Variants in PIK3C3 observed in about 807,000 individuals in gnomAD.
PIK3C3 encodes phosphatidylinositol 3-kinase catalytic subunit type 3.
A neutral mutation model predicts 126.1 loss-of-function variants in PIK3C3; 95 were observed. That is an observed-to-expected ratio of 0.75 (90% CI 0.64 to 0.89). The LOEUF (loss-of-function observed/expected upper bound fraction) is 0.89, where lower values mean the gene tolerates loss of function less well. PIK3C3 is among the 40% of genes least tolerant of loss of function. PIK3C3 has a pLI of 0.00. For missense variants in PIK3C3, 829 were observed against 1,063.2 expected (o/e 0.78, Z 3.06); for synonymous variants, 374 against 360.0 (o/e 1.04, Z -0.44).
chr18:42,061,233 C>T (rs1196261350), intron 22 of PIK3C3, among the ~76,000 whole-genome samples: 1 of 152,134 alleles, frequency 6.6e-6, no homozygotes, highest in Non-Finnish European at 1.5e-5. Context: ...ATTTTGCACG[C>T]TTTCCCACCC....
At chr18:41,969,909 C>T (rs9965565) in intron 3 of PIK3C3, among the ~76,000 whole-genome samples, 525 of 152,226 alleles carry the variant, frequency 3.4e-3, no homozygotes, top group African/African-American at 0.012. Flanking sequence ...ACTATATAGT[C>T]TACTGTAATG....
chr18:42,028,322 C>T (rs1201837210), intron 14 of PIK3C3, among the ~76,000 whole-genome samples: 3 of 152,098 alleles, frequency 2.0e-5, no homozygotes, highest in Non-Finnish European at 4.4e-5. Context: ...GGTCATATTG[C>T]AGATTCTTTT....
At chr18:42,039,540 TC>T (rs1300912054) in intron 18 of PIK3C3, among the ~76,000 whole-genome samples, 1 of 152,218 alleles carries the variant, frequency 6.6e-6, no homozygotes, top group East Asian at 1.9e-4. Context: ...TTGCCACTCT[TC>T]CCCTGCATCC....
In PIK3C3 at chr18:42,040,744, A is replaced by G; in HGVS notation, c.2103+3A>G. The G allele has an allele frequency of 1.3e-6, 2 of 1,576,214 alleles. No individual in the cohort carries two copies. Among genetic ancestry groups the G allele is most frequent in the Non-Finnish European group, 1.7e-6 (2 of 1,147,124 alleles). ...TTGATACAGAGGGAAGCATTCAGGT[A>G]TGGTATCAATAAAGATTATGCAATT... On this transcript the variant is annotated splice_donor_region_variant and intron_variant, in intron 19 of 24. Coordinates refer to ENST00000262039, the MANE Select transcript of PIK3C3 (RefSeq NM_002647.4).
In PIK3C3 at chr18:42,043,825, T is replaced by C. The variant is rs1390048521; in HGVS notation, c.2188+8T>C. On this transcript the variant is annotated splice_region_variant and intron_variant, in intron 20 of 24. Transcript: ENST00000262039. ...CTTACGTTAAAAGCTGTGGTAAGTT[T>C]TTCAGGCTATTACTTTCCATTGATC... The C allele has an allele frequency of 6.3e-7, 1 of 1,589,416 alleles. No homozygotes were observed. Among genetic ancestry groups the C allele is most frequent in the East Asian group, 2.2e-5 (1 of 44,694 alleles).
At chr18:41,975,377 CT>C (rs369914631) in intron 4 of PIK3C3, among the ~76,000 whole-genome samples, 1 of 152,146 alleles carries the variant, frequency 6.6e-6, no homozygotes, top group East Asian at 1.9e-4. Context: ...TGCTCTGTCA[CT>C]TTAACTACAT....
At chr18:42,031,003 C>G (rs1438978331) in intron 15 of PIK3C3, among the ~76,000 whole-genome samples, 1 of 152,048 alleles carries the variant, frequency 6.6e-6, no homozygotes, top group African/African-American at 2.4e-5. Flanking sequence ...CCAGACCATC[C>G]CAAGTATAGT....
At chr18:42,062,936 G>C (rs765003693) in intron 22 of PIK3C3, among the ~76,000 whole-genome samples, 46 of 152,094 alleles carry the variant, frequency 3.0e-4, no homozygotes, top group Middle Eastern at 3.4e-3. Flanking sequence ...CATCAGCAAG[G>C]ATCATCTATT....
chr18:41,992,790 C>G (rs1981841233), intron 6 of PIK3C3, among the ~76,000 whole-genome samples: 1 of 151,954 alleles, frequency 6.6e-6, no homozygotes, highest in Admixed American at 6.6e-5. Context: ...TAATATTAAC[C>G]CTACACTTAA....
chr18:41,956,650 A>G (rs1293960287), intron 1 of PIK3C3, among the ~76,000 whole-genome samples: 4 of 137,312 alleles, frequency 2.9e-5, no homozygotes, highest in Non-Finnish European at 3.0e-5. Context: ...TGCATTGTTC[A>G]GGATCATTTC....
At chr18:42,056,148 A>T (rs979797106) in intron 21 of PIK3C3, among the ~76,000 whole-genome samples, 50 of 151,704 alleles carry the variant, frequency 3.3e-4, no homozygotes, top group African/African-American at 1.2e-3. Flanking sequence ...TATTAACTTT[A>T]AAAAAAACAT....
chr18:42,023,631 G>T (rs1286242817), intron 13 of PIK3C3, among the ~76,000 whole-genome samples: 1 of 152,166 alleles, frequency 6.6e-6, no homozygotes, highest in Non-Finnish European at 1.5e-5. Flanking sequence ...AGCTATTGAT[G>T]TGTGGACTCT....
At chr18:41,976,435 T>C (rs541485120) in intron 4 of PIK3C3, among the ~76,000 whole-genome samples, 1 of 152,290 alleles carries the variant, frequency 6.6e-6, no homozygotes, top group East Asian at 1.9e-4. Context: ...CTAATAATAG[T>C]AACTACATTT....
intron 24 of PIK3C3, among the ~76,000 whole-genome samples, chr18:42,071,991 T>C (rs1985793227): frequency 6.6e-6 from 1 of 152,186 alleles, no homozygotes; most frequent in Non-Finnish European, 1.5e-5. Context: ...TACAAATCTT[T>C]TCAAATAACA....
chr18:42,006,293 G>A (rs1167286676), intron 10 of PIK3C3, among the ~76,000 whole-genome samples: 2 of 145,300 alleles, frequency 1.4e-5, no homozygotes, highest in African/African-American at 4.9e-5. Flanking sequence ...CACCCTCCTG[G>A]CATGTGGGTG....
chr18:42,000,737 G>A (rs1168741850), intron 9 of PIK3C3, among the ~76,000 whole-genome samples: 1 of 152,132 alleles, frequency 6.6e-6, no homozygotes, highest in Admixed American at 6.5e-5. Context: ...TTACGTGGAT[G>A]GCAGCAAGCA....
At chr18:41,986,127 G>C (rs1021840787) in intron 4 of PIK3C3, among the ~76,000 whole-genome samples, 5 of 152,096 alleles carry the variant, frequency 3.3e-5, no homozygotes, top group Non-Finnish European at 2.9e-5. Flanking sequence ...GAATCATATA[G>C]TCTGGGGTTT....
chr18:41,970,560 TCTTAA>T, intron 4 of PIK3C3, 104 bp downstream of exon 4: 1 of 1,004,446 alleles, frequency 1.0e-6, no homozygotes, highest in Non-Finnish European at 1.5e-6. Context: ...AAAATCTAAA[TCTTAA>T]CTTTTAAATA....
intron 10 of PIK3C3, among the ~76,000 whole-genome samples, chr18:42,006,963 A>G (rs544102213): frequency 6.9e-6 from 1 of 145,542 alleles, no homozygotes; most frequent in Non-Finnish European, 1.5e-5. Flanking sequence ...TCCCAGGTTC[A>G]CGCCATTCTA....
Sources: gnomAD v4.1 joint callset for allele counts (sites outside exome capture counted in the v4.1 genomes callset) on GRCh38, gnomAD v4.1.1 for gene constraint, MANE v1.5 for transcripts, NCBI Gene and HGNC (gene_info 2026-07-23, HGNC 2026-07-21) for gene names.